Variants in AEN observed in about 807,000 individuals in gnomAD.
The protein encoded by AEN is apoptosis-enhancing nuclease.
AEN carries 21 observed loss-of-function variants against 17.7 expected under a neutral mutation model. The observed-to-expected ratio is 1.19, with a 90% CI of 0.84 to 1.71. AEN has a LOEUF of 1.71. Among genes scored for constraint, AEN ranks in the 40% most tolerant of loss-of-function variants. The pLI is 0.00. For missense variants in AEN, 462 were observed against 435.9 expected, an observed-to-expected ratio of 1.06 and a Z score of -0.53; for synonymous variants, 190 against 173.0, an observed-to-expected ratio of 1.10 and a Z score of -0.77.
chr15:88,613,352 A>G, the AEN span, among the ~76,000 whole-genome samples: 18 of 152,286 alleles, frequency 1.2e-4, no homozygotes, highest in African/African-American at 4.1e-4. Flanking sequence ...GCCTGAAGCC[A>G]GTGGGAAGCC....
chr15:88,626,493 G>A lies in AEN; in HGVS notation c.284G>A (p.Arg95Lys), dbSNP rs1466454834. ...GGATCTGGCAGTGCCCCATGCAGCA[G>A]AAGGCCTGCTCCCGGGAAAGCCTCA... ...RAGSGSAPCS[R>K]RPAPGKASGP... Residue 95 changes from arginine to lysine, a missense_variant, in exon 2 of 4, where the codon AGA becomes AAA. Transcript: ENST00000332810. The A allele has an allele frequency of 1.9e-6, 3 of 1,614,132 alleles. No homozygotes were observed. In the South Asian group the frequency reaches 3.3e-5, roughly 18 times the overall value.
the AEN span, among the ~76,000 whole-genome samples, chr15:88,605,793 C>A: frequency 6.6e-6 from 1 of 152,322 alleles, no homozygotes; most frequent in South Asian, 2.1e-4. This position sits in a 1 kb window ranked among gnomAD's most constrained non-coding sequence, Gnocchi z 7.6. Context: ...CCTCCCCCAG[C>A]GAATCCGAGC....
chr15:88,608,107 G>C, the AEN span: 2 of 527,164 alleles, frequency 3.8e-6, no homozygotes, highest in East Asian at 5.5e-5. Flanking sequence ...AGCTCTTATT[G>C]GCTGGAAAGG....
Position 88,626,685 on chromosome 15 carries a change from G to A in AEN, c.476G>A (p.Arg159His), listed in dbSNP as rs143137843. 1.1e-5 allele frequency: 18 copies of A among 1,613,646 alleles called. No homozygotes were observed. The highest frequency in any genetic ancestry group is 6.7e-5 in the Admixed American group (4 of 60,028). The change falls in exon 2 of 4, where the codon CGC (arginine) becomes CAC (histidine). Residue 159 changes from arginine (R) to histidine (H), a missense_variant. Physicochemically the swap from Arg to His is conservative, Grantham distance 29. Transcript: ENST00000332810. ...ATGCCCATCGCTGACTACCGTACCC[G>A]CTGGAGTGGCATCACTCGGCAGCAC... ...PEMPIADYRT[R>H]WSGITRQHMR...
the AEN span, among the ~76,000 whole-genome samples, chr15:88,614,245 T>TGCAC: frequency 6.6e-6 from 1 of 152,144 alleles, no homozygotes; most frequent in African/African-American, 2.4e-5. Context: ...TGTCACCCAG[T>TGCAC]CTAGAGTGCA....
At chr15:88,612,357 G>A in the AEN span, among the ~76,000 whole-genome samples, 1 of 151,962 alleles carries the variant, frequency 6.6e-6, no homozygotes, top group African/African-American at 2.4e-5. Context: ...CTGGCAGCAG[G>A]GGGGACACAC....
chr15:88,621,099 AG>A (rs906231111), upstream of AEN, among the ~76,000 whole-genome samples: 3 of 152,194 alleles, frequency 2.0e-5, no homozygotes, highest in Admixed American at 1.3e-4. Context: ...GGGACCGGGC[AG>A]GGACGACAGG....
chr15:88,619,980 C>T (rs987729373), upstream of AEN, among the ~76,000 whole-genome samples: 3 of 152,172 alleles, frequency 2.0e-5, no homozygotes, highest in Non-Finnish European at 4.4e-5. Context: ...CAAGTTTTTT[C>T]AAATGCAGAT....
At position 88,631,144 on chromosome 15, in the gene AEN, G is replaced by A. The variant is rs1484459931; in HGVS notation, c.*850G>A. 2.2e-6 allele frequency: 1 copy of A among 456,722 alleles called. No individual in the cohort carries two copies. Among genetic ancestry groups the A allele is most frequent in the East Asian group, 6.9e-5 (1 of 14,390 alleles). The allele number at this position is 456,722 out of a possible 1,614,324, so 28.3% of individuals were successfully genotyped here. A position where few individuals can be genotyped will look rare whatever the true frequency, so the allele number is the denominator to read the frequency against. The stretch of plus-strand genomic sequence containing the variant: ...TCTTAAGCAAAAGTCTGAGAAACAA[G>A]ACAGTGGTTTGAATTCTGGGGCCTT... On this transcript the variant is annotated 3_prime_UTR_variant, in exon 4 of 4. Transcript: ENST00000332810.
upstream of AEN, among the ~76,000 whole-genome samples, chr15:88,619,124 A>G (rs1392107651): frequency 6.6e-6 from 1 of 152,254 alleles, no homozygotes; most frequent in African/African-American, 2.4e-5. Flanking sequence ...GCAAAGAATG[A>G]GAAACCACCT....
In AEN at chr15:88,621,965, A is replaced by C. The variant is rs543334386; in HGVS notation, c.-65+583A>C. 9.2e-5 allele frequency among the ~76,000 whole-genome samples: 14 copies of C among 152,232 alleles called. No homozygotes were observed. In the East Asian group the frequency reaches 2.5e-3, roughly 27 times the overall value. On this transcript the variant is annotated intron_variant, in intron 1 of 3. Coordinates refer to ENST00000332810, the MANE Select transcript of AEN (RefSeq NM_022767.4). ...TTCATCAGATGTCATATGGTAATTA[A>C]CTACATTTGGGAAGCCCTTATCTAA...
At chr15:88,622,675 A>G (rs1366508185) in intron 1 of AEN, among the ~76,000 whole-genome samples, 1 of 152,206 alleles carries the variant, frequency 6.6e-6, no homozygotes, top group Non-Finnish European at 1.5e-5. Context: ...AATGTCTGAA[A>G]TCTATGGATA....
At chr15:88,625,811 G>A (rs1267743549) in intron 1 of AEN, among the ~76,000 whole-genome samples, 1 of 152,106 alleles carries the variant, frequency 6.6e-6, no homozygotes, top group African/African-American at 2.4e-5. Flanking sequence ...GTGGATTCTG[G>A]GTTCCTACCA....
Position 88,629,441 on chromosome 15 carries a change from A to C in AEN, c.741+15A>C, listed in dbSNP as rs1567106119. 4 of 1,609,378 alleles carry C rather than the reference A, an allele frequency of 2.5e-6. No homozygotes were observed. The highest frequency in any genetic ancestry group is 3.4e-6 in the Non-Finnish European group (4 of 1,176,546). ...AGAAGATCCAGGTGCGTGGTGGGAGAGTGGCTGGAAGGGAGGGAGGCCCGC... is the reference window on the plus strand; with the variant it reads ...AGAAGATCCAGGTGCGTGGTGGGAGCGTGGCTGGAAGGGAGGGAGGCCCGC... On this transcript the variant is annotated intron_variant, in intron 3 of 3. Coordinates refer to ENST00000332810, the MANE Select transcript of AEN (RefSeq NM_022767.4).
chr15:88,622,023 G>C (rs1026763854), intron 1 of AEN, among the ~76,000 whole-genome samples: 6 of 152,142 alleles, frequency 3.9e-5, no homozygotes, highest in Non-Finnish European at 8.8e-5. Context: ...GAAGAGACGT[G>C]ACTTGCCCCA....
chr15:88,622,313 C>T (rs1164710359), intron 1 of AEN, among the ~76,000 whole-genome samples: 1 of 152,222 alleles, frequency 6.6e-6, no homozygotes, highest in African/African-American at 2.4e-5. Flanking sequence ...CGGAACTTCT[C>T]TCCAGCTTCA....
chr15:88,619,455 C>T (rs61482020), upstream of AEN, among the ~76,000 whole-genome samples: 99 of 152,210 alleles, frequency 6.5e-4, 1 homozygote, highest in East Asian at 0.019. Context: ...TTTGAGAGGC[C>T]AAGGTGGGTG....
Position 88,630,339 on chromosome 15 carries a change from G to C in AEN, c.*45G>C, listed in dbSNP as rs1046587515. ...GGCTGGGCTTCCGGTGTGGCCGGTA[G>C]GAAGTGGGGGCCAGGAGAGCAGCGG... On this transcript the variant is annotated 3_prime_UTR_variant, in exon 4 of 4. Transcript: ENST00000332810. This position sits in a 1 kb window ranked among gnomAD's most constrained non-coding sequence, Gnocchi z 5.1. 1 of 1,525,448 alleles carries C rather than the reference G, an allele frequency of 6.6e-7. No homozygotes were observed. The highest frequency in any genetic ancestry group is 1.4e-5 in the African/African-American group (1 of 72,334). 94.5% of individuals were successfully genotyped at this position (1,525,448 alleles called of 1,614,324 possible).
Position 88,630,208 on chromosome 15 carries a change from C to G in AEN, c.892C>G (p.Gln298Glu), listed in dbSNP as rs781532396. The G allele has an allele frequency of 3.1e-6, 5 of 1,611,330 alleles. No homozygotes were observed. The highest frequency in any genetic ancestry group is 4.2e-6 in the Non-Finnish European group (5 of 1,178,836). Residue 298 changes from glutamine to glutamate, a missense_variant, in exon 4 of 4, where the codon CAG becomes GAG. Physicochemically the swap from Gln to Glu is conservative, Grantham distance 29. Transcript: ENST00000332810. The surrounding 1 kb of genome is among the most constrained non-coding windows in gnomAD (Gnocchi z 5.1). Reference protein sequence around the residue: ...REPDSSTDMEQYMEDQYWPDD... With the variant: ...REPDSSTDMEEYMEDQYWPDD... ...ACCTGACAGCAGCACAGACATGGAA[C>G]AGTACATGGAGGACCAGTACTGGCC...
Sources: allele counts gnomAD v4.1 joint callset (sites outside exome capture counted in the v4.1 genomes callset), GRCh38; gene constraint gnomAD v4.1.1; non-coding constraint Gnocchi (gnomAD v3.1); transcripts MANE v1.5; gene names NCBI Gene and HGNC (gene_info 2026-07-23, HGNC 2026-07-21).